The following ITPR1 variants were observed in gnomAD, a reference collection of about 807,000 sequenced individuals.
The protein encoded by ITPR1 is inositol 1,4,5-trisphosphate-gated calcium channel ITPR1.
ITPR1 carries 96 observed loss-of-function variants against 318.4 expected under a neutral mutation model. That is an observed-to-expected ratio of 0.30 (90% CI 0.26 to 0.36). ITPR1 has a LOEUF of 0.36. Among genes scored for constraint, ITPR1 ranks in the 10% least tolerant of loss-of-function variants. ITPR1 has a pLI of 1.00. For synonymous variants in ITPR1, 1,312 were observed against 1,289.9 expected (o/e 1.02, Z -0.37); for missense variants, 2,440 against 3,460.2 (o/e 0.71, Z 7.40).
chr3:4,832,990 G>A (rs563524448), intron 60 of ITPR1, among the ~76,000 whole-genome samples: 4 of 152,224 alleles, frequency 2.6e-5, no homozygotes, highest in African/African-American at 7.2e-5. Context: ...CCACAGAGGC[G>A]AAGAACTATG....
intron 44 of ITPR1, among the ~76,000 whole-genome samples, chr3:4,744,292 A>G (rs2043921531): frequency 6.6e-6 from 1 of 152,252 alleles, no homozygotes; most frequent in Non-Finnish European, 1.5e-5. Context: ...AATCCTCAAC[A>G]GGTCCAGATA....
At chr3:4,611,741 C>A (rs1041957970) in intron 4 of ITPR1, among the ~76,000 whole-genome samples, 1 of 151,926 alleles carries the variant, frequency 6.6e-6, no homozygotes, top group Non-Finnish European at 1.5e-5. Flanking sequence ...GAGACCTTCT[C>A]TCAAAAAATA....
chr3:4,766,698 T>C lies in ITPR1; in HGVS notation c.5713T>C (p.Ser1905Pro). ...CGATGAGGTAGACAGGGATGCCCCATCACGGAAAAAAGGTAAATGTTCCTC... is the reference window on the plus strand; with the variant it reads ...CGATGAGGTAGACAGGGATGCCCCACCACGGAAAAAAGGTAAATGTTCCTC... ...KDDEVDRDAP[S>P]RKKAKEPTTQ... Residue 1905 changes from serine to proline, a missense_variant, in exon 45 of 62, where the codon TCA becomes CCA. Physicochemically the swap from Ser to Pro is moderately conservative, Grantham distance 74 (BLOSUM62 -1). Transcript: ENST00000649015. 1 of 1,595,834 alleles carries C rather than the reference T, an allele frequency of 6.3e-7. No individual in the cohort carries two copies. Among genetic ancestry groups the C allele is most frequent in the South Asian group, 1.1e-5 (1 of 88,248 alleles).
At chr3:4,736,177 T>A (rs1160401731) in intron 44 of ITPR1, among the ~76,000 whole-genome samples, 1 of 151,998 alleles carries the variant, frequency 6.6e-6, no homozygotes, top group African/African-American at 2.4e-5. Context: ...ATGTACAGAC[T>A]CGTGTACACA....
At chr3:4,843,779 GGCT>G (rs2051547872) in intron 61 of ITPR1, among the ~76,000 whole-genome samples, 1 of 152,176 alleles carries the variant, frequency 6.6e-6, no homozygotes, top group Admixed American at 6.5e-5. Flanking sequence ...AGATGAATAG[GGCT>G]GCTAACTGAG....
intron 40 of ITPR1, among the ~76,000 whole-genome samples, chr3:4,722,988 A>G (rs895760979): frequency 2.6e-5 from 4 of 152,146 alleles, no homozygotes; most frequent in Non-Finnish European, 4.4e-5. Context: ...GTCTCTACTA[A>G]AAATACAAAA....
chr3:4,577,620 G>A (rs564955421), intron 4 of ITPR1, among the ~76,000 whole-genome samples: 3 of 152,118 alleles, frequency 2.0e-5, no homozygotes, highest in Admixed American at 1.3e-4. Flanking sequence ...TTATAATAAC[G>A]AGGTGCATTA....
chr3:4,750,500 AT>A (rs2044421505), intron 44 of ITPR1: 1 of 152,122 alleles, frequency 6.6e-6, no homozygotes, highest in African/African-American at 2.4e-5. Flanking sequence ...CTTGCTCACT[AT>A]CTGCAGGCAG....
intron 4 of ITPR1, among the ~76,000 whole-genome samples, chr3:4,582,636 A>C (rs1388260185): frequency 6.6e-6 from 1 of 152,338 alleles, no homozygotes; most frequent in East Asian, 1.9e-4. Context: ...TTCATTCTGG[A>C]ACAGACTAGC....
intron 4 of ITPR1, among the ~76,000 whole-genome samples, chr3:4,524,852 C>T (rs1453050464): frequency 6.6e-6 from 1 of 152,168 alleles, no homozygotes; most frequent in Non-Finnish European, 1.5e-5. Context: ...CAGATTACTT[C>T]ACCTTTGCCA....
In ITPR1 at chr3:4,717,362, TCCAG is replaced by T; in HGVS notation, c.5104-3_5104del. 3 of 1,594,480 alleles carry T rather than the reference TCCAG, an allele frequency of 1.9e-6. No homozygotes were observed. Among genetic ancestry groups the T allele is most frequent in the African/African-American group, 2.7e-5 (2 of 74,910 alleles). On this transcript the variant is annotated splice_acceptor_variant and splice_polypyrimidine_tract_variant and intron_variant, in intron 39 of 61. Coordinates refer to ENST00000649015, the MANE Select transcript of ITPR1 (RefSeq NM_001378452.1). LOFTEE classifies it high-confidence loss of function. The stretch of plus-strand genomic sequence containing the variant: ...TCTCTCTCTCTCCCCTTTTTTCTTT[TCCAG>T]CTAATTTCCATTGATGAATTGGATA...
chr3:4,504,618 G>A (rs1185200053), intron 2 of ITPR1, among the ~76,000 whole-genome samples: 1 of 152,136 alleles, frequency 6.6e-6, no homozygotes, highest in Non-Finnish European at 1.5e-5. Context: ...CGTGTGGGGA[G>A]GAGGGTGGCA....
At chr3:4,579,848 C>T (rs573270955) in intron 4 of ITPR1, among the ~76,000 whole-genome samples, 1 of 152,208 alleles carries the variant, frequency 6.6e-6, no homozygotes, top group East Asian at 1.9e-4. Context: ...CCAAAGATTC[C>T]AGGCATATTA....
intron 47 of ITPR1, among the ~76,000 whole-genome samples, chr3:4,776,450 C>T (rs992043160): frequency 6.6e-6 from 1 of 152,186 alleles, no homozygotes; most frequent in Admixed American, 6.5e-5. Flanking sequence ...CAGTGCTAAA[C>T]CCAGCAGCCA....
At chr3:4,721,164 G>A (rs1005444664) in intron 40 of ITPR1, among the ~76,000 whole-genome samples, 1 of 60,682 alleles carries the variant, frequency 1.6e-5, no homozygotes. Context: ...AGATACGTGT[G>A]TGTGCGTGTA....
chr3:4,539,410 C>G (rs1414052383), intron 4 of ITPR1, among the ~76,000 whole-genome samples: 1 of 152,098 alleles, frequency 6.6e-6, no homozygotes, highest in African/African-American at 2.4e-5. Flanking sequence ...ATCTTAGGTG[C>G]AATGTGCTAT....
At chr3:4,597,302 C>T (rs1437099007) in intron 4 of ITPR1, among the ~76,000 whole-genome samples, 3 of 152,096 alleles carry the variant, frequency 2.0e-5, no homozygotes, top group Non-Finnish European at 4.4e-5. Context: ...AACCAGCTGG[C>T]AAATTTTGCT....
At position 4,640,652 on chromosome 3, in the gene ITPR1, C is replaced by T. The variant is rs9821992; in HGVS notation, c.366+1182C>T. On this transcript the variant is annotated intron_variant, in intron 6 of 61. Transcript: ENST00000649015. ...ATGCATTCCGGTTTAGGTTTTGTAC[C>T]TCACTGTGAGATTTGGGGCAAGAAA... Among the ~76,000 whole-genome samples, 777 of 152,292 alleles carry T rather than the reference C, an allele frequency of 5.1e-3. 9 individuals are homozygous for T. The highest frequency in any genetic ancestry group is 0.017 in the African/African-American group (719 of 41,560).
At chr3:4,587,906 A>G (rs1245082981) in intron 4 of ITPR1, among the ~76,000 whole-genome samples, 1 of 152,202 alleles carries the variant, frequency 6.6e-6, no homozygotes, top group African/African-American at 2.4e-5. Flanking sequence ...AACACCTCTC[A>G]TCTGACTTTT....
Sources: gnomAD v4.1 joint callset for allele counts (sites outside exome capture counted in the v4.1 genomes callset) on GRCh38, gnomAD v4.1.1 for gene constraint, MANE v1.5 for transcripts, NCBI Gene and HGNC (gene_info 2026-07-23, HGNC 2026-07-21) for gene names.